SCUBE3: variants seen among roughly 807,000 people sequenced by gnomAD.
SCUBE3 encodes the protein signal peptide, CUB and EGF-like domain-containing protein 3.
SCUBE3 carries 33 observed loss-of-function variants against 116.8 expected under a neutral mutation model. The observed-to-expected ratio is 0.28, with a 90% CI of 0.21 to 0.38. The LOEUF (loss-of-function observed/expected upper bound fraction) is 0.38. Ranked by LOEUF, SCUBE3 falls within the 10% of genes least tolerant of loss-of-function variation. The pLI, the probability that SCUBE3 is intolerant of heterozygous loss-of-function variation, is 1.00. For missense variants in SCUBE3, 1,007 were observed against 1,324.8 expected (o/e 0.76, Z 3.72); for synonymous variants, 418 against 496.9 (o/e 0.84, Z 2.11).
At chr6:35,226,500 T>TTTA (rs1783332385) in intron 1 of SCUBE3, among the ~76,000 whole-genome samples, 1 of 146,046 alleles carries the variant, frequency 6.8e-6, no homozygotes, top group Admixed American at 6.9e-5. Context: ...TTTTTTTTTT[T>TTTA]TTGAGATAGA....
Position 35,243,895 on chromosome 6 carries a change from G to T in SCUBE3, c.2072-68G>T. ...CTGTTTGTATACCTTTGTCCCCTGA[G>T]ATCGGGTGACCCCATGGGGATGACT... On this transcript the variant is annotated intron_variant, in intron 16 of 21. Transcript: ENST00000274938. This position sits in a 1 kb window ranked among gnomAD's most constrained non-coding sequence, Gnocchi z 6.6. 1 of 1,556,438 alleles carries T rather than the reference G, an allele frequency of 6.4e-7. No individual in the cohort carries two copies. The highest frequency in any genetic ancestry group is 2.3e-5 in the East Asian group (1 of 44,380).
At position 35,244,522 on chromosome 6, in the gene SCUBE3, A is replaced by G. The variant is rs1784245130; in HGVS notation, c.2240-128A>G. On this transcript the variant is annotated intron_variant, in intron 17 of 21. Coordinates refer to ENST00000274938, the MANE Select transcript of SCUBE3 (RefSeq NM_152753.4). This position sits in a 1 kb window ranked among gnomAD's most constrained non-coding sequence, Gnocchi z 4.3. ...TCTGGCATGACTGGGAAAGATTGAG[A>G]CCCTAGAAAAGAACTTTGATGTATC... The G allele has an allele frequency of 1.3e-6, 1 of 779,952 alleles. No individual in the cohort carries two copies. Among genetic ancestry groups the G allele is most frequent in the Non-Finnish European group, 2.1e-6 (1 of 468,258 alleles). The allele number at this position is 779,952 out of a possible 1,614,324, so 48.3% of individuals were successfully genotyped here.
Position 35,235,874 on chromosome 6 carries a change from C to T in SCUBE3, c.713-2028C>T, listed in dbSNP as rs1201054653. Among the ~76,000 whole-genome samples the T allele has an allele frequency of 7.9e-5, 12 of 151,896 alleles. No homozygotes were observed. Among genetic ancestry groups the T allele is most frequent in the Admixed American group, 1.3e-4 (2 of 15,264 alleles). ...CACTGTGCCACCTGAGATAGGGGTGCGATAGGATTAGATGCCATCCCCTCC... is the reference window on the plus strand; with the variant it reads ...CACTGTGCCACCTGAGATAGGGGTGTGATAGGATTAGATGCCATCCCCTCC... On this transcript the variant is annotated intron_variant, in intron 6 of 21. Coordinates refer to ENST00000274938, the MANE Select transcript of SCUBE3 (RefSeq NM_152753.4). This position sits in a 1 kb window ranked among gnomAD's most constrained non-coding sequence, Gnocchi z 4.5.
chr6:35,237,654 T>C (rs1374022214), intron 6 of SCUBE3, among the ~76,000 whole-genome samples: 1 of 151,936 alleles, frequency 6.6e-6, no homozygotes, highest in East Asian at 1.9e-4. Context: ...GCCTCACTGC[T>C]GTCCACCTTG....
At chr6:35,242,395 CA>C in intron 13 of SCUBE3, 75 bp downstream of exon 13, 6 of 1,135,136 alleles carry the variant, frequency 5.3e-6, no homozygotes, top group Non-Finnish European at 6.7e-6. Context: ...CCTCTGCTTC[CA>C]AAAACCCACC....
Position 35,231,995 on chromosome 6 carries a change from T to C in SCUBE3, c.469+136T>C, listed in dbSNP as rs761482423. On this transcript the variant is annotated intron_variant, in intron 4 of 21. Coordinates refer to ENST00000274938, the MANE Select transcript of SCUBE3 (RefSeq NM_152753.4). This position sits in a 1 kb window ranked among gnomAD's most constrained non-coding sequence, Gnocchi z 4.2. ...CTTCTTCTCTTGTCCTTCAACTCAA[T>C]CACACCCTAAAGGATCTAGGAACAG... The C allele has an allele frequency of 4.7e-5, 36 of 770,972 alleles. No homozygotes were observed. The highest frequency in any genetic ancestry group is 6.9e-5 in the Non-Finnish European group (34 of 492,910). 47.8% of individuals were successfully genotyped at this position (770,972 alleles called of 1,614,324 possible).
rs1782825800 is a variant in SCUBE3 at position 35,214,915 on chromosome 6, T to G, written c.85+412T>G. 6.6e-6 allele frequency among the ~76,000 whole-genome samples: 1 copy of G among 152,248 alleles called. No homozygotes were observed. The highest frequency in any genetic ancestry group is 1.5e-5 in the Non-Finnish European group (1 of 68,038). On this transcript the variant is annotated intron_variant, in intron 1 of 21. Transcript: ENST00000274938. The surrounding 1 kb of genome is among the most constrained non-coding windows in gnomAD (Gnocchi z 6.3). ...TAATGAAAACTTTTCAGCCGTGCCG[T>G]ATATTTCTTTCCCTTACCCCCAACC...
At chr6:35,248,250 G>A (rs1312368507) in intron 21 of SCUBE3, among the ~76,000 whole-genome samples, 1 of 152,200 alleles carries the variant, frequency 6.6e-6, no homozygotes, top group Non-Finnish European at 1.5e-5. Context: ...AAGATGATAA[G>A]TGGTCAGACC....
chr6:35,241,605 G>C lies in SCUBE3; in HGVS notation c.1258G>C (p.Gly420Arg). Residue 420 changes from glycine to arginine, a missense_variant, in exon 11 of 22, where the codon GGC becomes CGC. Gly to Arg is a moderately radical substitution (Grantham distance 125, BLOSUM62 -2). Around this residue, in one of 5 missense-constraint regions of SCUBE3, gnomAD observed 544 missense variants for 638.9 expected, o/e 0.85. Coordinates refer to ENST00000274938, the MANE Select transcript of SCUBE3 (RefSeq NM_152753.4). This position sits in a 1 kb window ranked among gnomAD's most constrained non-coding sequence, Gnocchi z 4.1. ...AGCCATGCTCAGCTGCAACCGGTCTGGCAAGAAGGACACCTGTGCCCTGAC... is the reference window on the plus strand; with the variant it reads ...AGCCATGCTCAGCTGCAACCGGTCTCGCAAGAAGGACACCTGTGCCCTGAC... ...SKAMLSCNRSGKKDTCALTCP... is the reference protein window; with the variant it reads ...SKAMLSCNRSRKKDTCALTCP... The C allele has an allele frequency of 6.2e-7, 1 of 1,614,170 alleles. No homozygotes were observed. Among genetic ancestry groups the C allele is most frequent in the Non-Finnish European group, 8.5e-7 (1 of 1,180,012 alleles).
At position 35,241,834 on chromosome 6, in the gene SCUBE3, T is replaced by C. The variant is rs1445731167; in HGVS notation, c.1341T>C (p.Cys447=). ...CTGAGAATGGCTTCACGGTGAGCTG[T>C]GGGACCCCCAGCCCCAGGGCTGCTC... ...PESENGFTVS[C]GTPSPRAAPA... Residue 447 remains cysteine, a synonymous_variant, in exon 12 of 22, where the codon TGT becomes TGC. Transcript: ENST00000274938. This position sits in a 1 kb window ranked among gnomAD's most constrained non-coding sequence, Gnocchi z 4.1. 1 of 1,613,330 alleles carries C rather than the reference T, an allele frequency of 6.2e-7. No homozygotes were observed. Among genetic ancestry groups the C allele is most frequent in the Non-Finnish European group, 8.5e-7 (1 of 1,179,884 alleles).
chr6:35,238,768 GAA>G (rs1783890983), intron 7 of SCUBE3, among the ~76,000 whole-genome samples: 1 of 152,096 alleles, frequency 6.6e-6, no homozygotes, highest in South Asian at 2.1e-4. Context: ...AAGGGTGGAG[GAA>G]AAAGGCAGGG....
chr6:35,227,838 G>GA lies in SCUBE3; in HGVS notation c.208+136_208+137insA, dbSNP rs533423077. The GA allele has an allele frequency of 3.2e-3, 2,855 of 886,036 alleles. 20 individuals carry two copies. The highest frequency in any genetic ancestry group is 0.016 in the Middle Eastern group (54 of 3,346). 54.9% of individuals were successfully genotyped at this position (886,036 alleles called of 1,614,324 possible). ...TCAAGTGGTGGGGGGGTGGTGAGGG[G>GA]GGCAACTGCATCTTCCCAGAGAGGG... On this transcript the variant is annotated intron_variant, in intron 2 of 21. Transcript: ENST00000274938.
In SCUBE3 at chr6:35,228,898, A is replaced by T. The variant is rs1347561529; in HGVS notation, c.334+159A>T. Among the ~76,000 whole-genome samples the T allele has an allele frequency of 6.6e-6, 1 of 152,202 alleles. No homozygotes were observed. The highest frequency in any genetic ancestry group is 1.9e-4 in the East Asian group (1 of 5,202). On this transcript the variant is annotated intron_variant, in intron 3 of 21. Coordinates refer to ENST00000274938, the MANE Select transcript of SCUBE3 (RefSeq NM_152753.4). This position sits in a 1 kb window ranked among gnomAD's most constrained non-coding sequence, Gnocchi z 4.9. ...TCCCCTTTGAGACTGGCCACTTAGG[A>T]TGAAAAATCCTGCTGGATGAAAAAC... is the stretch of plus-strand genomic sequence containing the variant.
Position 35,246,198 on chromosome 6 carries a change from C to A in SCUBE3, c.2753-8C>A. 2 of 1,613,980 alleles carry A rather than the reference C, an allele frequency of 1.2e-6. No homozygotes were observed. Among genetic ancestry groups the A allele is most frequent in the Non-Finnish European group, 1.7e-6 (2 of 1,179,860 alleles). ...CCCCTGAGCCCCTCACCTTGGTTGA[C>A]TTTGCAGAGGACTATGAGCAGCTGG... is the stretch of plus-strand genomic sequence containing the variant. On this transcript the variant is annotated splice_polypyrimidine_tract_variant and splice_region_variant and intron_variant, in intron 20 of 21. Coordinates refer to ENST00000274938, the MANE Select transcript of SCUBE3 (RefSeq NM_152753.4).
Position 35,239,937 on chromosome 6 carries a change from G to A in SCUBE3, c.952+63G>A, listed in dbSNP as rs73407675. 30,284 of 1,437,496 alleles carry A rather than the reference G, an allele frequency of 0.021. 388 individuals carry two copies. The highest frequency in any genetic ancestry group is 0.051 in the African/African-American group (3,544 of 69,118). 89.0% of individuals were successfully genotyped at this position (1,437,496 alleles called of 1,614,324 possible). A position where few individuals can be genotyped will look rare whatever the true frequency, so the allele number is the denominator to read the frequency against. ...GGTTCTTGTGGGAGAGCTTCAAGGA[G>A]GCCAGAGGGCTAAAGTCTTAGAAAC... On this transcript the variant is annotated intron_variant, in intron 8 of 21. Coordinates refer to ENST00000274938, the MANE Select transcript of SCUBE3 (RefSeq NM_152753.4). The surrounding 1 kb of genome is among the most constrained non-coding windows in gnomAD (Gnocchi z 4.1).
At chr6:35,246,984 A>T (rs1276659586) in intron 21 of SCUBE3, among the ~76,000 whole-genome samples, 2 of 151,982 alleles carry the variant, frequency 1.3e-5, no homozygotes, top group African/African-American at 4.8e-5. Flanking sequence ...GTCTCAAAAA[A>T]ACAAAAACAA....
rs1782793590 is a variant in SCUBE3 at position 35,214,281 on chromosome 6, C to T, written c.-138C>T. On this transcript the variant is annotated 5_prime_UTR_variant, in exon 1 of 22. Coordinates refer to ENST00000274938, the MANE Select transcript of SCUBE3 (RefSeq NM_152753.4). This position sits in a 1 kb window ranked among gnomAD's most constrained non-coding sequence, Gnocchi z 6.3. ...CGCCGAGGGCGCCGCGGTCCGCGCCCCGCGACTGCAGCCCCCGGCCTGGCC... is the reference window on the plus strand; with the variant it reads ...CGCCGAGGGCGCCGCGGTCCGCGCCTCGCGACTGCAGCCCCCGGCCTGGCC... The T allele has an allele frequency of 5.2e-6, 2 of 386,184 alleles. No homozygotes were observed. Among genetic ancestry groups the T allele is most frequent in the Admixed American group, 9.6e-5 (2 of 20,912 alleles). The allele number at this position is 386,184 out of a possible 1,614,324, so 23.9% of individuals were successfully genotyped here.
At position 35,241,904 on chromosome 6, in the gene SCUBE3, T is replaced by C. The variant is rs1784078159; in HGVS notation, c.1411T>C (p.Cys471Arg). 2 of 1,605,760 alleles carry C rather than the reference T, an allele frequency of 1.2e-6. No individual in the cohort carries two copies. Among genetic ancestry groups the C allele is most frequent in the African/African-American group, 1.3e-5 (1 of 74,826 alleles). Reference sequence around the variant, plus strand: ...TGGGAACAGCACCAACTCCAACCACTGCCATGGTAAGCACCAGCCCAGAAG... The same window carrying C: ...TGGGAACAGCACCAACTCCAACCACCGCCATGGTAAGCACCAGCCCAGAAG... ...HNGNSTNSNH[C>R]HEAAVLSIKQ... is the part of the protein sequence containing the mutation. The change falls in exon 12 of 22, where the codon TGC (cysteine) becomes CGC (arginine). Residue 471 changes from cysteine to arginine, a missense_variant. Transcript: ENST00000274938. The surrounding 1 kb of genome is among the most constrained non-coding windows in gnomAD (Gnocchi z 4.1).
intron 1 of SCUBE3, chr6:35,220,408 GATA>G (rs1248873151): frequency 1.3e-4 from 20 of 152,264 alleles, no homozygotes; most frequent in African/African-American, 4.1e-4. Context: ...CAATTAAAGA[GATA>G]ATATTACTAA....
Sources: allele counts gnomAD v4.1 joint callset (sites outside exome capture counted in the v4.1 genomes callset), GRCh38; gene constraint gnomAD v4.1.1; regional missense constraint gnomAD v4.1.1; non-coding constraint Gnocchi (gnomAD v3.1); transcripts MANE v1.5; gene names NCBI Gene and HGNC (gene_info 2026-07-23, HGNC 2026-07-21).